NOS1: variants seen among roughly 807,000 people sequenced by gnomAD.
The protein encoded by NOS1 is nitric oxide synthase 1, also known as NOS type I.
A neutral mutation model predicts 164.5 loss-of-function variants in NOS1; 51 were observed. The ratio of observed to expected loss-of-function variants is 0.31; its 90% CI spans 0.25 to 0.39. NOS1 has a LOEUF of 0.39. Among genes scored for constraint, NOS1 ranks in the 10% least tolerant of loss-of-function variants. The pLI, the probability that NOS1 is intolerant of heterozygous loss-of-function variation, is 1.00. For synonymous variants in NOS1, 719 were observed against 745.8 expected (o/e 0.96, Z 0.59); for missense variants, 1,362 against 1,885.6 (o/e 0.72, Z 5.14).
At chr12:117,304,056 C>T (rs953702619) in intron 3 of NOS1, among the ~76,000 whole-genome samples, 5 of 152,118 alleles carry the variant, frequency 3.3e-5, no homozygotes, top group African/African-American at 1.2e-4. Flanking sequence ...CCTGTAGTCC[C>T]AGCTGCTGGG....
chr12:117,242,570 T>A (rs1870270716), intron 20 of NOS1, 57 bp downstream of exon 20: 1 of 1,407,504 alleles, frequency 7.1e-7, no homozygotes, highest in Non-Finnish European at 1.0e-6. Flanking sequence ...TTGTCCTTCA[T>A]CGTGGGTGGC....
At chr12:117,269,746 G>A (rs952261262) in intron 10 of NOS1, among the ~76,000 whole-genome samples, 29 of 152,126 alleles carry the variant, frequency 1.9e-4, no homozygotes, top group African/African-American at 1.4e-4. Context: ...GATTACAGGC[G>A]TGAGCCGCTG....
Position 117,209,657 on chromosome 12 carries a change from C to T in NOS1, c.*5652G>A. On this transcript the variant is annotated 3_prime_UTR_variant, in exon 29 of 29. Transcript: ENST00000317775. ...CTAAGGCATATTGACAGCTGACCAC[C>T]TCCCTCGCACATGGCTTTGATAAGT... is the stretch of plus-strand genomic sequence containing the variant. 1 of 985,500 alleles carries T rather than the reference C, an allele frequency of 1.0e-6. No homozygotes were observed. Among genetic ancestry groups the T allele is most frequent in the Non-Finnish European group, 1.2e-6 (1 of 829,954 alleles). 61.0% of individuals were successfully genotyped at this position (985,500 alleles called of 1,614,324 possible). A position where few individuals can be genotyped will look rare whatever the true frequency, so the allele number is the denominator to read the frequency against.
At chr12:117,321,072 C>T (rs974652930) in intron 2 of NOS1, among the ~76,000 whole-genome samples, 11 of 152,266 alleles carry the variant, frequency 7.2e-5, no homozygotes, top group South Asian at 2.1e-4. Context: ...TGCGGTGGCA[C>T]GGTCTCGGCT....
At chr12:117,246,135 G>A in intron 18 of NOS1, 1 of 157,932 alleles carries the variant, frequency 6.3e-6, no homozygotes. Context: ...GGACTTCACA[G>A]CCACTATAGG....
intron 9 of NOS1, among the ~76,000 whole-genome samples, chr12:117,277,030 G>A (rs1240172687): frequency 6.6e-6 from 1 of 152,072 alleles, no homozygotes; most frequent in Non-Finnish European, 1.5e-5. Flanking sequence ...TCATATGGTA[G>A]CTCAATTTTT....
chr12:117,318,010 C>A (rs1291800286), intron 2 of NOS1, among the ~76,000 whole-genome samples: 1 of 152,030 alleles, frequency 6.6e-6, no homozygotes, highest in Non-Finnish European at 1.5e-5. Flanking sequence ...TGTCTATACA[C>A]AAAATAAAAA....
In NOS1 at chr12:117,243,974, C is replaced by T. The variant is rs560345083; in HGVS notation, c.2824-539G>A. ...AGTGTCTGCGATGTGCTGGACACGT[C>T]GGATTTGACATTGACTTTAGGACCT... is the stretch of plus-strand genomic sequence containing the variant. On this transcript the variant is annotated intron_variant, in intron 18 of 28. Transcript: ENST00000317775. This position sits in a 1 kb window ranked among gnomAD's most constrained non-coding sequence, Gnocchi z 4.3. Among the ~76,000 whole-genome samples, 2 of 152,310 alleles carry T rather than the reference C, an allele frequency of 1.3e-5. No homozygotes were observed. The highest frequency in any genetic ancestry group is 1.9e-4 in the East Asian group (1 of 5,184).
chr12:117,213,979 C>T lies in NOS1; in HGVS notation c.*1330G>A. 1.0e-6 allele frequency: 1 copy of T among 985,326 alleles called. No homozygotes were observed. Among genetic ancestry groups the T allele is most frequent in the Non-Finnish European group, 1.2e-6 (1 of 829,912 alleles). The allele number at this position is 985,326 out of a possible 1,614,324, so 61.0% of individuals were successfully genotyped here. A position where few individuals can be genotyped will look rare whatever the true frequency, so the allele number is the denominator to read the frequency against. ...CATTTTTGATCTGAGTTGAGGGTAA[C>T]TTATTTGTCAAAATTAATTTAACAG... On this transcript the variant is annotated 3_prime_UTR_variant, in exon 29 of 29. Coordinates refer to ENST00000317775, the MANE Select transcript of NOS1 (RefSeq NM_000620.5).
chr12:117,236,471 A>C (rs952827376), intron 20 of NOS1, among the ~76,000 whole-genome samples: 1 of 152,210 alleles, frequency 6.6e-6, no homozygotes, highest in Non-Finnish European at 1.5e-5. Flanking sequence ...TGGGGAACTT[A>C]GCGACCATAA....
intron 9 of NOS1, among the ~76,000 whole-genome samples, chr12:117,276,626 C>G (rs1009319406): frequency 6.6e-6 from 1 of 152,010 alleles, no homozygotes; most frequent in Non-Finnish European, 1.5e-5. Flanking sequence ...CCCCTCACCC[C>G]CTCCACTACC....
rs139528570 is a variant in NOS1 at position 117,237,422 on chromosome 12, C to T, written c.3042-2664G>A. Among the ~76,000 whole-genome samples, 1,404 of 152,102 alleles carry T rather than the reference C, an allele frequency of 9.2e-3. 10 individuals are homozygous for T. Among genetic ancestry groups the T allele is most frequent in the Middle Eastern group, 0.027 (8 of 294 alleles). On this transcript the variant is annotated intron_variant, in intron 20 of 28. Transcript: ENST00000317775. ...CTAGGATTACAGGTGTGAGCCACCA[C>T]GCCTGGCCTATTTTTTATTTTTTCT... is the stretch of plus-strand genomic sequence containing the variant.
intron 1 of NOS1, among the ~76,000 whole-genome samples, chr12:117,347,220 G>T (rs1180144469): frequency 6.6e-6 from 1 of 151,908 alleles, no homozygotes; most frequent in Non-Finnish European, 1.5e-5. Flanking sequence ...CTGGGAGGCG[G>T]AGGTTGCAGT....
chr12:117,249,047 G>T (rs1194688998), intron 17 of NOS1, among the ~76,000 whole-genome samples: 5 of 152,018 alleles, frequency 3.3e-5, no homozygotes, highest in Admixed American at 2.6e-4. Context: ...GGGGTTGTTT[G>T]TTTTTTTCTT....
intron 1 of NOS1, among the ~76,000 whole-genome samples, chr12:117,349,179 T>C (rs1185763949): frequency 2.0e-5 from 3 of 152,274 alleles, no homozygotes; most frequent in Middle Eastern, 3.2e-3. Context: ...CGTGGATTTG[T>C]CTATTCTGGA....
intron 26 of NOS1, among the ~76,000 whole-genome samples, chr12:117,221,438 C>T (rs932502158): frequency 3.3e-5 from 5 of 151,638 alleles, no homozygotes; most frequent in Non-Finnish European, 5.9e-5. Flanking sequence ...AATGTGCCAC[C>T]GCGCCCAGCT....
chr12:117,277,961 G>C lies in NOS1; in HGVS notation c.1662C>G (p.Pro554=). The C allele has an allele frequency of 6.2e-7, 1 of 1,610,828 alleles. No individual in the cohort carries two copies. The highest frequency in any genetic ancestry group is 8.5e-7 in the Non-Finnish European group (1 of 1,177,632). ...CACCCCTTGCCAGTCCCTCTTACTT[G>C]GGGTGCCTGATGGGAACTTCCAACA... ...ELVLEVPIRH[P]KFEWFKDLGL... is the part of the protein sequence containing the mutation. The change falls in exon 9 of 29, where the codon CCC becomes CCG. Residue 554 remains proline (P), a splice_region_variant and synonymous_variant. Transcript: ENST00000317775.
In NOS1 at chr12:117,278,596, T is replaced by TA. The variant is rs541853747; in HGVS notation, c.1525-499dup. Among the ~76,000 whole-genome samples, 127 of 152,076 alleles carry TA rather than the reference T, an allele frequency of 8.4e-4. 3 individuals carry two copies. The South Asian group carries it at 0.026, about 31-fold the overall frequency. On this transcript the variant is annotated intron_variant, in intron 8 of 28. Transcript: ENST00000317775. ...AGGCAGATGTATTAGAATTACAGTA[T>TA]AAAATGCATTTGTTAGAGCAGCTGT...
At chr12:117,284,690 A>G (rs957700486) in intron 7 of NOS1, among the ~76,000 whole-genome samples, 64 of 152,294 alleles carry the variant, frequency 4.2e-4, no homozygotes, top group African/African-American at 1.5e-3. Context: ...TTGCTGCTGT[A>G]GTTTTGCAAA....
Sources: gnomAD v4.1 joint callset for allele counts (sites outside exome capture counted in the v4.1 genomes callset) on GRCh38, gnomAD v4.1.1 for gene constraint, Gnocchi (gnomAD v3.1) non-coding constraint, MANE v1.5 for transcripts, NCBI Gene and HGNC (gene_info 2026-07-23, HGNC 2026-07-21) for gene names.